Variants in UVRAG observed in about 807,000 individuals in gnomAD.
UVRAG encodes the protein UV radiation resistance associated.
UVRAG carries 19 observed loss-of-function variants against 78.0 expected under a neutral mutation model. The ratio of observed to expected loss-of-function variants is 0.24; its 90% CI spans 0.17 to 0.36. The LOEUF (loss-of-function observed/expected upper bound fraction) is 0.36, where lower values mean the gene tolerates loss of function less well. Among genes scored for constraint, UVRAG ranks in the 10% least tolerant of loss-of-function variants. UVRAG has a pLI of 1.00. For synonymous variants in UVRAG, 323 were observed against 324.6 expected, an observed-to-expected ratio of 1.00 and a Z score of 0.05; for missense variants, 740 against 853.8, an observed-to-expected ratio of 0.87 and a Z score of 1.66.
intron 1 of UVRAG, among the ~76,000 whole-genome samples, chr11:75,818,459 C>A (rs1023304597): frequency 6.6e-6 from 1 of 151,524 alleles, no homozygotes; most frequent in African/African-American, 2.4e-5. Context: ...TAATACATCC[C>A]GTACTAGTTG....
intron 2 of UVRAG, among the ~76,000 whole-genome samples, chr11:75,854,720 A>G (rs903187921): frequency 5.3e-5 from 8 of 152,140 alleles, no homozygotes; most frequent in African/African-American, 1.9e-4. Context: ...CTTGGCCTGA[A>G]TTGTCCTTTT....
At chr11:75,999,601 G>C (rs532557520) in intron 8 of UVRAG, among the ~76,000 whole-genome samples, 2 of 151,870 alleles carry the variant, frequency 1.3e-5, no homozygotes, top group African/African-American at 4.8e-5. Flanking sequence ...GGCTGGTCTC[G>C]AACTCCTGAC....
intron 1 of UVRAG, among the ~76,000 whole-genome samples, chr11:75,822,512 C>T (rs1329513724): frequency 2.0e-5 from 3 of 152,148 alleles, no homozygotes; most frequent in African/African-American, 7.2e-5. Flanking sequence ...ATAAAACTGT[C>T]CCCTACTTCA....
At chr11:75,878,733 C>T (rs1448680117) in intron 3 of UVRAG, among the ~76,000 whole-genome samples, 10 of 152,140 alleles carry the variant, frequency 6.6e-5, no homozygotes, top group African/African-American at 2.2e-4. Flanking sequence ...TGGCGGCGCG[C>T]GCCTGCAATC....
intron 6 of UVRAG, chr11:75,930,927 T>TTTTCTTTCTTCC (rs1948219546): frequency 1.7e-5 from 2 of 117,512 alleles, no homozygotes; most frequent in East Asian, 5.0e-4. Flanking sequence ...AGTGTCGGGA[T>TTTTCTTTCTTCC]TTTCTTTCTT....
chr11:76,139,787 A>T (rs1342808764), intron 14 of UVRAG, among the ~76,000 whole-genome samples: 1 of 152,058 alleles, frequency 6.6e-6, no homozygotes, highest in East Asian at 1.9e-4. Flanking sequence ...GGTTTTTGTA[A>T]AGACTAAGTG....
chr11:75,993,084 A>G (rs919918402), intron 8 of UVRAG, among the ~76,000 whole-genome samples: 1 of 152,234 alleles, frequency 6.6e-6, no homozygotes, highest in Non-Finnish European at 1.5e-5. Context: ...CTGAATGACC[A>G]CAAAGGAATT....
intron 2 of UVRAG, among the ~76,000 whole-genome samples, chr11:75,853,246 A>AT (rs1946198798): frequency 6.9e-6 from 1 of 144,068 alleles, no homozygotes; most frequent in Non-Finnish European, 1.5e-5. Context: ...TAAAGCAGTG[A>AT]TTGTTTAACA....
At chr11:75,978,097 G>A (rs1241910998) in intron 7 of UVRAG, among the ~76,000 whole-genome samples, 1 of 152,118 alleles carries the variant, frequency 6.6e-6, no homozygotes, top group Non-Finnish European at 1.5e-5. Context: ...TTGCTTGTCT[G>A]TAAAGGATTT....
At chr11:75,830,776 G>T (rs954108140) in intron 1 of UVRAG, among the ~76,000 whole-genome samples, 7 of 151,970 alleles carry the variant, frequency 4.6e-5, no homozygotes, top group African/African-American at 1.7e-4. Flanking sequence ...CTTTTGTCTC[G>T]AATACTTTCA....
chr11:75,983,172 A>G (rs892583213), intron 7 of UVRAG, among the ~76,000 whole-genome samples: 1 of 152,128 alleles, frequency 6.6e-6, no homozygotes, highest in African/African-American at 2.4e-5. Context: ...GGGTCCCCAG[A>G]CTTAAGATTT....
intron 11 of UVRAG, among the ~76,000 whole-genome samples, chr11:76,009,989 A>G (rs1304598706): frequency 6.6e-6 from 1 of 152,220 alleles, no homozygotes; most frequent in Non-Finnish European, 1.5e-5. Context: ...CCTATAAGGA[A>G]AATGGTATTC....
intron 1 of UVRAG, among the ~76,000 whole-genome samples, chr11:75,849,297 A>T (rs1272044526): frequency 5.3e-5 from 8 of 152,272 alleles, no homozygotes; most frequent in Non-Finnish European, 1.0e-4. Flanking sequence ...CGAGGTCAGA[A>T]GATTGAGACC....
intron 3 of UVRAG, among the ~76,000 whole-genome samples, chr11:75,871,363 T>C (rs1946646499): frequency 6.7e-6 from 1 of 150,126 alleles, no homozygotes; most frequent in African/African-American, 2.5e-5. Context: ...CTTGGCTCAC[T>C]GCAACCTCTG....
intron 6 of UVRAG, among the ~76,000 whole-genome samples, chr11:75,957,031 G>A (rs1591061996): frequency 6.6e-6 from 1 of 151,120 alleles, no homozygotes; most frequent in South Asian, 2.1e-4. Context: ...TTTCCTAATG[G>A]GAGCTTTGTT....
chr11:75,931,380 C>CCCAAA (rs1461688933), intron 6 of UVRAG, among the ~76,000 whole-genome samples: 2 of 152,086 alleles, frequency 1.3e-5, no homozygotes, highest in Non-Finnish European at 2.9e-5. Context: ...GATAGTGTCT[C>CCCAAA]ATGCTTGCCT....
intron 6 of UVRAG, among the ~76,000 whole-genome samples, chr11:75,913,559 T>C (rs1245632964): frequency 6.6e-6 from 1 of 152,194 alleles, no homozygotes; most frequent in African/African-American, 2.4e-5. Flanking sequence ...ATTTTCACAT[T>C]TTTTATCTTA....
chr11:75,955,359 A>G (rs1034625651), intron 6 of UVRAG, among the ~76,000 whole-genome samples: 3 of 152,216 alleles, frequency 2.0e-5, no homozygotes, highest in African/African-American at 7.2e-5. Flanking sequence ...TCATCAATAA[A>G]TATCAGGCAA....
chr11:75,947,753 A>G (rs1948611928), intron 6 of UVRAG, among the ~76,000 whole-genome samples: 1 of 152,158 alleles, frequency 6.6e-6, no homozygotes. Flanking sequence ...CTGGGTTTAA[A>G]TAGTGATTCT....
Sources: allele counts gnomAD v4.1 joint callset (sites outside exome capture counted in the v4.1 genomes callset), GRCh38; gene constraint gnomAD v4.1.1; transcripts MANE v1.5; gene names NCBI Gene and HGNC (gene_info 2026-07-23, HGNC 2026-07-21).